Variants in CAMTA1 observed in about 807,000 individuals in gnomAD.
The protein encoded by CAMTA1 is calmodulin binding transcription activator 1.
CAMTA1 carries 27 observed loss-of-function variants against 170.9 expected under a neutral mutation model. That is an observed-to-expected ratio of 0.16 (90% CI 0.12 to 0.22). CAMTA1 has a LOEUF of 0.22. Among genes scored for constraint, CAMTA1 ranks in the 10% least tolerant of loss-of-function variants. CAMTA1 has a pLI of 1.00. For missense variants in CAMTA1, 1,619 were observed against 2,217.2 expected (o/e 0.73, Z 5.42); for synonymous variants, 833 against 891.5 (o/e 0.93, Z 1.17).
chr1:7,398,154 G>GCTCTCCCT (rs1466680758), intron 5 of CAMTA1, among the ~76,000 whole-genome samples: 1 of 26,264 alleles, frequency 3.8e-5, no homozygotes, highest in African/African-American at 1.1e-4. Context: ...TAATAATATT[G>GCTCTCCCT]CTCTCTCTCT....
rs3034816 is a variant in CAMTA1 at position 7,579,552 on chromosome 1, C to CTTTTTTTTTTTTTTTTTTTTTTTTTTTTT, written c.511-60823_511-60822insTTTTTTTTTTTTTTTTTTTTTTTTTTTTT. ...GGTCCACTTTCTTTTCTTTTCTTTT[C>CTTTTTTTTTTTTTTTTTTTTTTTTTTTTT]TTTTTTTTTTTTTTTTTTTTTTTTT... is the stretch of plus-strand genomic sequence containing the variant. On this transcript the variant is annotated intron_variant, in intron 6 of 22. Transcript: ENST00000303635. 8.8e-5 allele frequency among the ~76,000 whole-genome samples: 7 copies of CTTTTTTTTTTTTTTTTTTTTTTTTTTTTT among 79,200 alleles called. 1 individual carries two copies. The highest frequency in any genetic ancestry group is 3.5e-4 in the East Asian group (1 of 2,848). 52.0% of individuals were successfully genotyped at this position (79,200 alleles called of 152,430 possible).
intron 3 of CAMTA1, among the ~76,000 whole-genome samples, chr1:6,993,543 G>A (rs1404362899): frequency 2.0e-5 from 3 of 151,890 alleles, no homozygotes; most frequent in Non-Finnish European, 4.4e-5. Flanking sequence ...TGTCTTTTGA[G>A]GCTCTGTTAT....
chr1:7,493,133 TACAA>T (rs1446562701), intron 6 of CAMTA1, among the ~76,000 whole-genome samples: 4 of 98,858 alleles, frequency 4.0e-5, no homozygotes, highest in Admixed American at 2.4e-4. Flanking sequence ...CACACAGACA[TACAA>T]ACGTGAGCAC....
At chr1:6,824,411 C>A (rs900396682) in intron 2 of CAMTA1, among the ~76,000 whole-genome samples, 3 of 152,060 alleles carry the variant, frequency 2.0e-5, no homozygotes, top group African/African-American at 7.2e-5. Context: ...ACCATCTAGT[C>A]TGAAAGTAAT....
chr1:6,985,449 G>C (rs977464453), intron 3 of CAMTA1, among the ~76,000 whole-genome samples: 1 of 152,226 alleles, frequency 6.6e-6, no homozygotes, highest in Non-Finnish European at 1.5e-5. Flanking sequence ...TTACAATGCA[G>C]AATCTAATTT....
intron 5 of CAMTA1, among the ~76,000 whole-genome samples, chr1:7,420,156 G>A (rs1034353089): frequency 1.2e-4 from 19 of 152,106 alleles, no homozygotes; most frequent in African/African-American, 3.9e-4. Context: ...TGTTCTCCAC[G>A]CGTGCCCCTC....
At chr1:7,481,373 A>T (rs2093531510) in intron 6 of CAMTA1, among the ~76,000 whole-genome samples, 1 of 152,210 alleles carries the variant, frequency 6.6e-6, no homozygotes, top group Admixed American at 6.5e-5. Flanking sequence ...CTCCTCAAAG[A>T]GTCAGGTCCT....
At chr1:7,724,818 C>CAAAAAAAAA (rs960235639) in intron 11 of CAMTA1, among the ~76,000 whole-genome samples, 1 of 85,332 alleles carries the variant, frequency 1.2e-5, no homozygotes, top group African/African-American at 4.5e-5. Flanking sequence ...GCGAGACTCT[C>CAAAAAAAAA]AAAAAAAAAA....
chr1:6,815,734 A>G (rs1645721237), intron 1 of CAMTA1, among the ~76,000 whole-genome samples: 3 of 152,184 alleles, frequency 2.0e-5, no homozygotes, highest in Non-Finnish European at 4.4e-5. Flanking sequence ...TAGTTTGATC[A>G]TCTGGTTTCT....
chr1:7,185,902 C>A (rs547075814), intron 4 of CAMTA1, among the ~76,000 whole-genome samples: 1 of 152,188 alleles, frequency 6.6e-6, no homozygotes, highest in Non-Finnish European at 1.5e-5. Flanking sequence ...TGGATGTTCG[C>A]GTAATGCTGG....
chr1:7,193,858 G>T (rs1655015008), intron 4 of CAMTA1, among the ~76,000 whole-genome samples: 1 of 152,186 alleles, frequency 6.6e-6, no homozygotes, highest in African/African-American at 2.4e-5. Flanking sequence ...GAGGCTGACG[G>T]CCCGAAGGGG....
intron 3 of CAMTA1, among the ~76,000 whole-genome samples, chr1:6,833,797 G>C (rs773139071): frequency 6.6e-6 from 1 of 152,136 alleles, no homozygotes; most frequent in Non-Finnish European, 1.5e-5. Context: ...GAACATACTC[G>C]GTTCAGGTGT....
intron 6 of CAMTA1, among the ~76,000 whole-genome samples, chr1:7,488,044 A>G (rs969069445): frequency 6.6e-6 from 1 of 151,832 alleles, no homozygotes; most frequent in Non-Finnish European, 1.5e-5. Flanking sequence ...GACTCCTCCC[A>G]TCTACTCTCT....
chr1:7,155,836 T>C (rs373383359), intron 4 of CAMTA1, among the ~76,000 whole-genome samples: 63 of 152,282 alleles, frequency 4.1e-4, no homozygotes, highest in African/African-American at 1.4e-3. Flanking sequence ...CACATCTCCC[T>C]GCGTTTGCTG....
At position 7,144,584 on chromosome 1, in the gene CAMTA1, A is replaced by C. The variant is rs1573423453; in HGVS notation, c.302+53213A>C. Among the ~76,000 whole-genome samples, 1 of 152,082 alleles carries C rather than the reference A, an allele frequency of 6.6e-6. No homozygotes were observed. Among genetic ancestry groups the C allele is most frequent in the African/African-American group, 2.4e-5 (1 of 41,396 alleles). ...AGTTTGTGGCTTCAGTGTTGTGAGG[A>C]CTTACTCTCATTTTCAGAACTCGTT... is the stretch of plus-strand genomic sequence containing the variant. On this transcript the variant is annotated intron_variant, in intron 4 of 22. Coordinates refer to ENST00000303635, the MANE Select transcript of CAMTA1 (RefSeq NM_015215.4). The surrounding 1 kb of genome is among the most constrained non-coding windows in gnomAD (Gnocchi z 4.0).
intron 11 of CAMTA1, among the ~76,000 whole-genome samples, chr1:7,696,472 G>GCCT (rs1397245891): frequency 1.3e-5 from 2 of 150,070 alleles, no homozygotes; most frequent in Non-Finnish European, 2.9e-5. Context: ...GGGATTACAG[G>GCCT]CGTGAGCCAC....
At chr1:7,318,754 T>C (rs958074426) in intron 5 of CAMTA1, among the ~76,000 whole-genome samples, 2 of 152,220 alleles carry the variant, frequency 1.3e-5, no homozygotes, top group African/African-American at 2.4e-5. Context: ...GGGCCTCACA[T>C]GTTACCAATG....
chr1:7,208,400 A>G (rs887337127), intron 4 of CAMTA1, among the ~76,000 whole-genome samples: 3 of 152,132 alleles, frequency 2.0e-5, no homozygotes, highest in African/African-American at 4.8e-5. Flanking sequence ...CCTTTACCCT[A>G]TTGAGTATTG....
intron 3 of CAMTA1, among the ~76,000 whole-genome samples, chr1:7,069,934 C>A (rs2147904749): frequency 6.6e-6 from 1 of 152,356 alleles, no homozygotes; most frequent in South Asian, 2.1e-4. Flanking sequence ...AGCCCGGCAC[C>A]AGCGTGAGGC....
Sources: gnomAD v4.1 joint callset for allele counts (sites outside exome capture counted in the v4.1 genomes callset) on GRCh38, gnomAD v4.1.1 for gene constraint, Gnocchi (gnomAD v3.1) non-coding constraint, MANE v1.5 for transcripts, NCBI Gene and HGNC (gene_info 2026-07-23, HGNC 2026-07-21) for gene names.